The following LINGO2 variants were observed in gnomAD, a reference collection of about 807,000 sequenced individuals.
LINGO2 encodes the protein leucine-rich repeat and immunoglobulin-like domain-containing nogo receptor-interacting protein 2.
LINGO2 carries 14 observed loss-of-function variants against 30.6 expected under a neutral mutation model. The observed-to-expected ratio is 0.46, with a 90% CI of 0.30 to 0.72. The LOEUF is 0.72. Ranked by LOEUF, LINGO2 falls within the 30% of genes least tolerant of loss-of-function variation. The probability of loss-of-function intolerance (pLI) is 0.07; values close to 1 mark genes in which losing one functional copy is unlikely to be tolerated. For missense variants in LINGO2, 729 were observed against 751.7 expected, an observed-to-expected ratio of 0.97 and a Z score of 0.35; for synonymous variants, 317 against 288.5, an observed-to-expected ratio of 1.10 and a Z score of -1.00.
intron 4 of LINGO2, among the ~76,000 whole-genome samples, chr9:28,057,645 G>GTATATACATATATATAAACACA (rs1175498306): frequency 1.1e-5 from 1 of 94,320 alleles, no homozygotes; most frequent in African/African-American, 3.8e-5. Flanking sequence ...ATATAAACCT[G>GTATATACATATATATAAACACA]TTCAAGTAAA....
chr9:28,368,595 T>TTTTCTTTTC (rs1491398861), intron 3 of LINGO2, among the ~76,000 whole-genome samples: 2 of 54,226 alleles, frequency 3.7e-5, no homozygotes, highest in African/African-American at 1.2e-4. Context: ...TTTTCTTTTC[T>TTTTCTTTTC]TTTTTTTTTT....
At chr9:29,105,231 C>CCA in the LINGO2 span, among the ~76,000 whole-genome samples, 1 of 152,078 alleles carries the variant, frequency 6.6e-6, no homozygotes, top group Admixed American at 6.5e-5. Flanking sequence ...TGGTAAATAA[C>CCA]ATGTTTAAGA....
the LINGO2 span, among the ~76,000 whole-genome samples, chr9:28,833,940 AT>A: frequency 1.3e-5 from 2 of 151,894 alleles, no homozygotes; most frequent in African/African-American, 4.8e-5. Context: ...CATAGATTGC[AT>A]GTCATAATTT....
chr9:28,062,706 A>ATATATAT (rs1215837581), intron 4 of LINGO2, among the ~76,000 whole-genome samples: 16 of 148,912 alleles, frequency 1.1e-4, no homozygotes, highest in Non-Finnish European at 1.9e-4. Flanking sequence ...TATATACAAA[A>ATATATAT]TTTCTAAATG....
At chr9:28,914,816 C>G in the LINGO2 span, among the ~76,000 whole-genome samples, 2 of 152,256 alleles carry the variant, frequency 1.3e-5, no homozygotes, top group Non-Finnish European at 2.9e-5. Flanking sequence ...ATCACTAACC[C>G]AAACAGTCCT....
At chr9:28,421,237 T>C (rs1290891484) in intron 2 of LINGO2, among the ~76,000 whole-genome samples, 1 of 151,634 alleles carries the variant, frequency 6.6e-6, no homozygotes, top group Non-Finnish European at 1.5e-5. Context: ...TTAAGATGAA[T>C]GACTTGTAAC....
chr9:28,106,685 G>C (rs1342800083), intron 4 of LINGO2, among the ~76,000 whole-genome samples: 2 of 152,108 alleles, frequency 1.3e-5, no homozygotes, highest in Non-Finnish European at 2.9e-5. Flanking sequence ...AAGTACCACA[G>C]TGTTTTAAAA....
the LINGO2 span, among the ~76,000 whole-genome samples, chr9:29,080,715 C>G: frequency 6.6e-6 from 1 of 152,094 alleles, no homozygotes; most frequent in African/African-American, 2.4e-5. Flanking sequence ...AGTAGTCATT[C>G]AGGAGCAGGT....
intron 1 of LINGO2, among the ~76,000 whole-genome samples, chr9:28,608,991 G>C (rs145957717): frequency 6.6e-6 from 1 of 151,854 alleles, no homozygotes; most frequent in Admixed American, 6.6e-5. Context: ...GCAGAAAAAT[G>C]TTCTTGAAAT....
chr9:28,854,838 T>G, the LINGO2 span, among the ~76,000 whole-genome samples: 1 of 151,948 alleles, frequency 6.6e-6, no homozygotes, highest in African/African-American at 2.4e-5. Context: ...TTATGTTCTT[T>G]GGCACAAACA....
At chr9:28,763,026 A>C in the LINGO2 span, among the ~76,000 whole-genome samples, 1 of 152,106 alleles carries the variant, frequency 6.6e-6, no homozygotes, top group Non-Finnish European at 1.5e-5. Context: ...TCTACTTCAC[A>C]GTTTATTTTG....
chr9:28,242,689 G>A (rs368506993), intron 4 of LINGO2, among the ~76,000 whole-genome samples: 1 of 152,074 alleles, frequency 6.6e-6, no homozygotes, highest in East Asian at 1.9e-4. Flanking sequence ...CTCCAAGGTT[G>A]AAATGAGGAA....
intron 4 of LINGO2, among the ~76,000 whole-genome samples, chr9:28,185,433 A>C (rs1403015097): frequency 6.6e-6 from 1 of 152,084 alleles, no homozygotes; most frequent in Non-Finnish European, 1.5e-5. Context: ...TTAACAGGTA[A>C]ATGGTAAAAA....
At chr9:28,479,914 T>G (rs1396794369) in intron 1 of LINGO2, among the ~76,000 whole-genome samples, 20 of 23,084 alleles carry the variant, frequency 8.7e-4, no homozygotes, top group African/African-American at 2.6e-3. Flanking sequence ...TACGTAGGTA[T>G]ATATATATAT....
At chr9:28,796,196 G>A in the LINGO2 span, among the ~76,000 whole-genome samples, 1 of 151,936 alleles carries the variant, frequency 6.6e-6, no homozygotes. Context: ...AGACATCAAA[G>A]AGGCAGAGGA....
At chr9:28,106,375 T>C (rs1376577407) in intron 4 of LINGO2, among the ~76,000 whole-genome samples, 2 of 152,142 alleles carry the variant, frequency 1.3e-5, no homozygotes, top group Non-Finnish European at 2.9e-5. Context: ...ACAGAAATAA[T>C]TCAAGCCTGA....
At chr9:27,975,396 T>TG (rs879867567) in intron 5 of LINGO2, among the ~76,000 whole-genome samples, 23 of 149,544 alleles carry the variant, frequency 1.5e-4, no homozygotes, top group Admixed American at 6.7e-5. Context: ...GTGGGGTAAA[T>TG]GGGGGGGCTG....
At chr9:27,981,548 AAAGAAAAAAAAG>A (rs1820863290) in intron 5 of LINGO2, among the ~76,000 whole-genome samples, 1 of 120,704 alleles carries the variant, frequency 8.3e-6, no homozygotes, top group African/African-American at 3.0e-5. Context: ...AAAAAAAAAA[AAAGAAAAAAAAG>A]AAAAAAAAAG....
chr9:28,169,061 GCA>G (rs1194615203), intron 4 of LINGO2, among the ~76,000 whole-genome samples: 1 of 152,124 alleles, frequency 6.6e-6, no homozygotes, highest in East Asian at 1.9e-4. Flanking sequence ...CTTTTGATAG[GCA>G]CACACACACA....
Sources: allele counts gnomAD v4.1 joint callset (sites outside exome capture counted in the v4.1 genomes callset), GRCh38; gene constraint gnomAD v4.1.1; transcripts MANE v1.5; gene names NCBI Gene and HGNC (gene_info 2026-07-23, HGNC 2026-07-21).